Variants in NBAS observed in about 807,000 individuals in gnomAD.
The protein encoded by NBAS is NBAS subunit of NRZ tethering complex, also known as NAG/BC035112 fusion.
In NBAS, 219 loss-of-function variants were observed where a neutral mutation model predicts 302.5. That is an observed-to-expected ratio of 0.72 (90% CI 0.65 to 0.81). The LOEUF is 0.81. NBAS is among the 30% of genes least tolerant of loss of function. The pLI is 0.00. For synonymous variants in NBAS, 1,118 were observed against 1,021.6 expected (o/e 1.09, Z -1.80); for missense variants, 2,932 against 2,841.6 (o/e 1.03, Z -0.72).
chr2:15,485,425 C>T (rs1187562219), intron 12 of NBAS, among the ~76,000 whole-genome samples: 1 of 152,180 alleles, frequency 6.6e-6, no homozygotes, highest in African/African-American at 2.4e-5. Flanking sequence ...CTCTGGCATT[C>T]GCTAGCCTAA....
chr2:14,944,749 C>A, the NBAS span, among the ~76,000 whole-genome samples: 4 of 151,446 alleles, frequency 2.6e-5, no homozygotes, highest in Non-Finnish European at 5.9e-5. Context: ...AAAAAAAAAA[C>A]TCTGAACAGA....
At chr2:15,161,994 A>G (rs1226589316), downstream of NBAS, among the ~76,000 whole-genome samples, 1 of 152,162 alleles carries the variant, frequency 6.6e-6, no homozygotes, top group Non-Finnish European at 1.5e-5. Flanking sequence ...CCTCTCCTCC[A>G]GCCATTCCCC....
chr2:15,307,410 A>G (rs1458732484), intron 40 of NBAS, among the ~76,000 whole-genome samples: 1 of 152,202 alleles, frequency 6.6e-6, no homozygotes, highest in East Asian at 1.9e-4. Flanking sequence ...GGAAAACAGG[A>G]AAAATTTAAG....
At chr2:15,170,218 C>T (rs1664229288) in intron 51 of NBAS, among the ~76,000 whole-genome samples, 1 of 152,182 alleles carries the variant, frequency 6.6e-6, no homozygotes, top group Non-Finnish European at 1.5e-5. Context: ...GCCGCTGCTG[C>T]TCTCATTCCC....
chr2:14,958,808 C>G, the NBAS span, among the ~76,000 whole-genome samples: 8,426 of 151,926 alleles, frequency 0.055, 785 homozygotes, highest in African/African-American at 0.19. Context: ...AACCTCACAT[C>G]AAGAAAAAAA....
At chr2:15,463,400 C>T (rs1041744790) in intron 19 of NBAS, among the ~76,000 whole-genome samples, 2 of 152,158 alleles carry the variant, frequency 1.3e-5, no homozygotes, top group Non-Finnish European at 2.9e-5. Context: ...GTATGAAACA[C>T]TTCAATGTCT....
At chr2:15,125,198 A>C in the NBAS span, among the ~76,000 whole-genome samples, 2 of 152,198 alleles carry the variant, frequency 1.3e-5, no homozygotes, top group African/African-American at 4.8e-5. Flanking sequence ...GCTATAAAGA[A>C]ATACCTAATT....
chr2:14,901,710 T>G, the NBAS span, among the ~76,000 whole-genome samples: 1 of 152,300 alleles, frequency 6.6e-6, no homozygotes, highest in Admixed American at 6.5e-5. Flanking sequence ...AAGGAAATAT[T>G]CATTAAACTT....
chr2:14,908,159 C>G, the NBAS span, among the ~76,000 whole-genome samples: 1 of 152,252 alleles, frequency 6.6e-6, no homozygotes, highest in Non-Finnish European at 1.5e-5. Context: ...GTCAGGAGAT[C>G]GAGACCATCC....
the NBAS span, among the ~76,000 whole-genome samples, chr2:14,793,232 G>C: frequency 7.2e-5 from 11 of 152,082 alleles, no homozygotes; most frequent in Admixed American, 7.2e-4. Flanking sequence ...AATTTTTGTA[G>C]TTTAAACCAC....
chr2:14,966,160 T>C, the NBAS span, among the ~76,000 whole-genome samples: 1 of 152,120 alleles, frequency 6.6e-6, no homozygotes, highest in East Asian at 1.9e-4. Context: ...AGGGAGAGCA[T>C]GAACCTGGAA....
the NBAS span, among the ~76,000 whole-genome samples, chr2:14,843,938 G>A: frequency 1.6e-4 from 24 of 152,054 alleles, no homozygotes; most frequent in Admixed American, 2.6e-4. Context: ...AAAAAGCCTC[G>A]GGCCCTAAAT....
the NBAS span, among the ~76,000 whole-genome samples, chr2:14,842,560 G>A: frequency 6.6e-6 from 1 of 151,820 alleles, no homozygotes; most frequent in East Asian, 1.9e-4. Flanking sequence ...AAAAAATTGG[G>A]AAACCTATAA....
At chr2:15,369,224 T>C (rs529210522) in intron 31 of NBAS, among the ~76,000 whole-genome samples, 2 of 152,196 alleles carry the variant, frequency 1.3e-5, no homozygotes, top group Admixed American at 6.5e-5. Flanking sequence ...TGATGAATTA[T>C]TGTATTCTTC....
At chr2:15,223,644 C>T (rs985001899) in intron 47 of NBAS, among the ~76,000 whole-genome samples, 2 of 152,044 alleles carry the variant, frequency 1.3e-5, no homozygotes, top group Non-Finnish European at 2.9e-5. Context: ...TCCTGGCCAA[C>T]ATGGTGAAAC....
At position 15,561,254 on chromosome 2, in the gene NBAS, A is replaced by T. The variant is rs1292659136; in HGVS notation, c.51T>A (p.Gly17=). Residue 17 remains glycine, a synonymous_variant, in exon 1 of 52, where the codon GGT becomes GGA. Transcript: ENST00000281513. The part of the protein sequence containing the change: ...GPALSPGTAE[G]EEETILYDLL... The stretch of plus-strand genomic sequence containing the variant: ...AGTCATAGAGAATCGTCTCCTCCTC[A>T]CCCTCTGCAGTGCCTGGACTCAAAG... The T allele has an allele frequency of 6.2e-7, 1 of 1,612,240 alleles. No homozygotes were observed. Among genetic ancestry groups the T allele is most frequent in the South Asian group, 1.1e-5 (1 of 90,930 alleles).
intron 23 of NBAS, 145 bp downstream of exon 23, chr2:15,424,170 A>G (rs1308657856): frequency 2.9e-6 from 3 of 1,036,218 alleles, no homozygotes; most frequent in Non-Finnish European, 4.4e-6. Flanking sequence ...GCACAGGATA[A>G]CAAAGAAATA....
rs535758543 is a variant in NBAS at position 15,348,662 on chromosome 2, AC to A, written c.4179+3329del. On this transcript the variant is annotated intron_variant, in intron 35 of 51. Coordinates refer to ENST00000281513, the MANE Select transcript of NBAS (RefSeq NM_015909.4). Reference sequence around the variant, plus strand: ...CAAAACATCACAGCACCTCAGTAGCACCACATGATGACTGAAAATCCACTTC... The same window carrying A: ...CAAAACATCACAGCACCTCAGTAGCACACATGATGACTGAAAATCCACTTC... Among the ~76,000 whole-genome samples the A allele has an allele frequency of 6.7e-3, 1,013 of 152,146 alleles. 11 individuals are homozygous for A. The highest frequency in any genetic ancestry group is 0.024 in the African/African-American group (976 of 41,488).
rs186676040 is a variant in NBAS, at chr2:15,382,598, G to A, written c.3360+617C>T. On this transcript the variant is annotated intron_variant, in intron 29 of 51. Transcript: ENST00000281513. ...AAGTGAGGGAAACATGAAACAGCAC[G>A]GTGGATGGAGGAAATGATGACAGGC... Among the ~76,000 whole-genome samples the A allele has an allele frequency of 1.8e-4, 28 of 152,250 alleles. 1 individual carries two copies. Among genetic ancestry groups the A allele is most frequent in the Admixed American group, 1.3e-3 (20 of 15,292 alleles).
Sources: allele counts gnomAD v4.1 joint callset (sites outside exome capture counted in the v4.1 genomes callset), GRCh38; gene constraint gnomAD v4.1.1; transcripts MANE v1.5; gene names NCBI Gene and HGNC (gene_info 2026-07-23, HGNC 2026-07-21).